The following PDE4D variants were observed in gnomAD, a reference collection of about 807,000 sequenced individuals.
PDE4D encodes the protein phosphodiesterase 4D.
PDE4D carries 24 observed loss-of-function variants against 87.4 expected under a neutral mutation model. That is an observed-to-expected ratio of 0.27 (90% CI 0.20 to 0.39). The LOEUF is 0.39. Ranked by LOEUF, PDE4D falls within the 10% of genes least tolerant of loss-of-function variation. The pLI, the probability that PDE4D is intolerant of heterozygous loss-of-function variation, is 1.00. For synonymous variants in PDE4D, 384 were observed against 383.2 expected (o/e 1.00, Z -0.02); for missense variants, 714 against 1,041.0 (o/e 0.69, Z 4.32).
At chr5:60,511,937 A>ATAAG (rs1750595051) in intron 1 of PDE4D, among the ~76,000 whole-genome samples, 1 of 152,120 alleles carries the variant, frequency 6.6e-6, no homozygotes, top group African/African-American at 2.4e-5. Flanking sequence ...AGGTGAAAAT[A>ATAAG]TAAGTCGTAA....
intron 1 of PDE4D, among the ~76,000 whole-genome samples, chr5:60,512,882 A>G (rs1750637400): frequency 6.6e-6 from 1 of 152,164 alleles, no homozygotes; most frequent in Non-Finnish European, 1.5e-5. Context: ...ATAGATATTG[A>G]CTGTCTTTGA....
intron 2 of PDE4D, among the ~76,000 whole-genome samples, chr5:60,078,723 T>C (rs1029877949): frequency 2.0e-5 from 3 of 152,250 alleles, no homozygotes; most frequent in Admixed American, 1.3e-4. Flanking sequence ...GTCTCATTCC[T>C]TTTAATGGCT....
At chr5:60,449,306 T>C (rs1745902870) in intron 1 of PDE4D, among the ~76,000 whole-genome samples, 1 of 151,942 alleles carries the variant, frequency 6.6e-6, no homozygotes, top group Non-Finnish European at 1.5e-5. Flanking sequence ...AACAACCTCC[T>C]TCTAAATGGA....
At chr5:60,183,747 A>T (rs1784559528) in intron 2 of PDE4D, among the ~76,000 whole-genome samples, 1 of 152,222 alleles carries the variant, frequency 6.6e-6, no homozygotes, top group African/African-American at 2.4e-5. Flanking sequence ...ACCAGGAAAA[A>T]TCTACCTCTA....
intron 1 of PDE4D, among the ~76,000 whole-genome samples, chr5:59,714,910 G>C (rs1754772572): frequency 6.6e-6 from 1 of 152,224 alleles, no homozygotes; most frequent in Non-Finnish European, 1.5e-5. Context: ...ATGGGTAGTT[G>C]ACCAAGGGTG....
intron 2 of PDE4D, among the ~76,000 whole-genome samples, chr5:60,152,025 A>G (rs1005327494): frequency 3.3e-5 from 5 of 152,156 alleles, no homozygotes; most frequent in Non-Finnish European, 7.4e-5. Context: ...TTTTAATCCT[A>G]CCATTAATGT....
At chr5:59,849,192 T>C (rs991878444) in intron 1 of PDE4D, among the ~76,000 whole-genome samples, 6 of 152,110 alleles carry the variant, frequency 3.9e-5, no homozygotes, top group African/African-American at 1.4e-4. Context: ...ATTTAAACAT[T>C]TGGTTTAAAT....
At chr5:60,495,888 C>A (rs1313150653) in intron 1 of PDE4D, among the ~76,000 whole-genome samples, 1 of 152,160 alleles carries the variant, frequency 6.6e-6, no homozygotes, top group Non-Finnish European at 1.5e-5. Context: ...TAAAAACACT[C>A]AAAATATTGC....
At chr5:59,238,429 G>A (rs1308097132) in intron 1 of PDE4D, among the ~76,000 whole-genome samples, 1 of 152,112 alleles carries the variant, frequency 6.6e-6, no homozygotes, top group Non-Finnish European at 1.5e-5. Flanking sequence ...CTCACATATA[G>A]GAAAACAAAG....
intron 3 of PDE4D, among the ~76,000 whole-genome samples, chr5:59,912,871 G>T (rs544856943): frequency 2.6e-5 from 4 of 152,302 alleles, no homozygotes; most frequent in South Asian, 4.1e-4. Flanking sequence ...AAATAGTGAG[G>T]CATGTTATTC....
chr5:60,104,966 CA>C (rs1776705343), intron 2 of PDE4D, among the ~76,000 whole-genome samples: 1 of 152,190 alleles, frequency 6.6e-6, no homozygotes, highest in Admixed American at 6.5e-5. Flanking sequence ...TCTCCTCCTC[CA>C]AAGGAACGCA....
At chr5:60,294,110 T>C (rs1753166419) in intron 1 of PDE4D, among the ~76,000 whole-genome samples, 1 of 152,208 alleles carries the variant, frequency 6.6e-6, no homozygotes, top group African/African-American at 2.4e-5. Flanking sequence ...TCAACCTTTT[T>C]AATTTTGTCC....
intron 5 of PDE4D, among the ~76,000 whole-genome samples, chr5:59,161,096 C>T (rs1461672746): frequency 6.6e-6 from 1 of 151,580 alleles, no homozygotes; most frequent in Non-Finnish European, 1.5e-5. Flanking sequence ...CTCCGTCCCA[C>T]CTCCCACCCC....
intron 2 of PDE4D, among the ~76,000 whole-genome samples, chr5:59,994,059 TTTTG>T (rs1240572837): frequency 3.3e-5 from 5 of 152,022 alleles, no homozygotes; most frequent in Non-Finnish European, 7.4e-5. Flanking sequence ...TTATTTTCCT[TTTTG>T]TTTGTTTCAG....
intron 1 of PDE4D, among the ~76,000 whole-genome samples, chr5:60,299,752 T>C (rs1753727018): frequency 6.6e-6 from 1 of 152,238 alleles, no homozygotes; most frequent in Admixed American, 6.5e-5. Flanking sequence ...TATGGCTGCA[T>C]AGCATTCCAT....
At chr5:60,465,918 T>A (rs1178478145) in intron 1 of PDE4D, among the ~76,000 whole-genome samples, 1 of 150,104 alleles carries the variant, frequency 6.7e-6, no homozygotes, top group Admixed American at 6.6e-5. Flanking sequence ...CAAAATCAAC[T>A]GCACCGAACA....
At chr5:60,260,853 T>C (rs1166397197) in intron 1 of PDE4D, among the ~76,000 whole-genome samples, 1 of 152,112 alleles carries the variant, frequency 6.6e-6, no homozygotes, top group Admixed American at 6.6e-5. Context: ...TAACATCTAC[T>C]GGGAAAGGTA....
chr5:60,138,716 A>G (rs1780259825), intron 2 of PDE4D, among the ~76,000 whole-genome samples: 1 of 152,108 alleles, frequency 6.6e-6, no homozygotes, highest in Non-Finnish European at 1.5e-5. Flanking sequence ...AAACTTCACT[A>G]AACCATGCTA....
chr5:59,513,407 T>C (rs925508854), intron 1 of PDE4D, among the ~76,000 whole-genome samples: 2 of 152,184 alleles, frequency 1.3e-5, no homozygotes, highest in Non-Finnish European at 2.9e-5. Flanking sequence ...AATAATGCAT[T>C]ACATTAATTA....
Sources: allele counts gnomAD v4.1 joint callset (sites outside exome capture counted in the v4.1 genomes callset), GRCh38; gene constraint gnomAD v4.1.1; transcripts MANE v1.5; gene names NCBI Gene and HGNC (gene_info 2026-07-23, HGNC 2026-07-21).